The following MASP1 variants were observed in gnomAD, a reference collection of about 807,000 sequenced individuals.
The protein encoded by MASP1 is mannan-binding lectin serine protease 1.
A neutral mutation model predicts 77.1 loss-of-function variants in MASP1; 59 were observed. The observed-to-expected ratio is 0.77, with a 90% CI of 0.62 to 0.95. The LOEUF is 0.95. Ranked by LOEUF, MASP1 falls within the 40% of genes least tolerant of loss-of-function variation. The probability of loss-of-function intolerance (pLI) is 0.00; values close to 1 mark genes in which losing one functional copy is unlikely to be tolerated. For missense variants in MASP1, 885 were observed against 912.9 expected (o/e 0.97, Z 0.39); for synonymous variants, 362 against 354.5 (o/e 1.02, Z -0.24).
chr3:187,248,109 G>C (rs1450201183), intron 8 of MASP1, among the ~76,000 whole-genome samples: 2 of 152,132 alleles, frequency 1.3e-5, no homozygotes, highest in South Asian at 4.2e-4. Flanking sequence ...AAAGATGCTG[G>C]GTATGACTGA....
At chr3:187,223,072 AG>A (rs1712163155) in intron 14 of MASP1, 3 of 1,451,428 alleles carry the variant, frequency 2.1e-6, no homozygotes, top group South Asian at 2.3e-5. Context: ...CGGAGCAGGA[AG>A]GCCCAGTGCA....
chr3:187,232,050 C>T (rs1712796712), downstream of MASP1, among the ~76,000 whole-genome samples: 1 of 152,098 alleles, frequency 6.6e-6, no homozygotes, highest in Admixed American at 6.5e-5. Context: ...GAGCCTCCTG[C>T]CTGCATACCC....
chr3:187,276,226 G>T (rs947512820), intron 2 of MASP1, among the ~76,000 whole-genome samples: 52 of 152,086 alleles, frequency 3.4e-4, no homozygotes, highest in Non-Finnish European at 8.8e-5. Context: ...CTCAACTCAT[G>T]CAGAGCCCTG....
At chr3:187,224,912 C>T (rs1013112900) in intron 13 of MASP1, among the ~76,000 whole-genome samples, 22 of 152,318 alleles carry the variant, frequency 1.4e-4, no homozygotes, top group African/African-American at 5.0e-4. Context: ...CAGGTTCTGG[C>T]CCCATAGGGC....
chr3:187,289,032 C>G (rs1718086231), intron 1 of MASP1, among the ~76,000 whole-genome samples: 1 of 152,166 alleles, frequency 6.6e-6, no homozygotes. Flanking sequence ...CCTCGTCACA[C>G]TCTCTGAATG....
chr3:187,242,759 G>A (rs1016945161), intron 9 of MASP1: 1 of 157,182 alleles, frequency 6.4e-6, no homozygotes, highest in South Asian at 1.9e-4. Context: ...CAATGGTCAG[G>A]TTATTGCTGG....
intron 5 of MASP1, 60 bp from the exon 6 acceptor site, chr3:187,253,375 C>G (rs1033435265): frequency 6.4e-7 from 1 of 1,573,962 alleles, no homozygotes; most frequent in African/African-American, 1.3e-5. Flanking sequence ...GCCAAAATGG[C>G]CACTGCAGGT....
intron 10 of MASP1, among the ~76,000 whole-genome samples, chr3:187,239,699 T>A (rs893035949): frequency 6.6e-6 from 1 of 152,244 alleles, no homozygotes; most frequent in East Asian, 1.9e-4. Flanking sequence ...TCCTTGGTTG[T>A]ACTTCTGGGC....
At chr3:187,221,614 G>A (rs1032929865) in intron 14 of MASP1, among the ~76,000 whole-genome samples, 2 of 152,176 alleles carry the variant, frequency 1.3e-5, no homozygotes, top group African/African-American at 4.8e-5. Flanking sequence ...ATTGTACAAA[G>A]AGGAGAGGCA....
downstream of MASP1, among the ~76,000 whole-genome samples, chr3:187,229,566 G>A (rs1029151394): frequency 6.6e-6 from 1 of 152,146 alleles, no homozygotes; most frequent in Admixed American, 6.5e-5. Flanking sequence ...TCATGGTTGA[G>A]AGACTCCCTG....
rs776846809 is a variant in MASP1, at chr3:187,236,550, G to A, written c.1321C>T (p.Arg441Cys). 5.6e-6 allele frequency: 9 copies of A among 1,613,836 alleles called. No homozygotes were observed. Among genetic ancestry groups the A allele is most frequent in the Middle Eastern group, 1.6e-4 (1 of 6,084 alleles). The change falls in exon 11 of 11, where the codon CGC becomes TGC. Residue 441 changes from arginine to cysteine, a missense_variant. By Grantham distance (180) the Arg-to-Cys change is radical. Coordinates refer to ENST00000296280, the MANE Select transcript of MASP1 (RefSeq NM_139125.4). ...TCLPECGQPS[R>C]SLPSLVKRII... is the part of the protein sequence containing the mutation. Reference sequence around the variant, plus strand: ...CTCTTGACCAGGCTTGGCAGGGAGCGGGAGGGCTGACCACACTCTGTAAGG... The same window carrying A: ...CTCTTGACCAGGCTTGGCAGGGAGCAGGAGGGCTGACCACACTCTGTAAGG...
rs752257245 is a variant in MASP1, at chr3:187,262,679, C to G, written c.279G>C (p.Arg93Ser). ...GAGTCTGCTCTGTGTCTGTGGTCTC[C>G]CTGCCACAGAAGGTTGCCAGCACCT... ...EDQVLATFCG[R>S]ETTDTEQTPG... The change falls in exon 3 of 11, where the codon AGG (arginine) becomes AGC (serine). Residue 93 changes from arginine (R) to serine (S), a missense_variant. Physicochemically the swap from Arg to Ser is moderately radical, Grantham distance 110 (BLOSUM62 -1). Transcript: ENST00000296280. The G allele has an allele frequency of 1.1e-5, 18 of 1,613,962 alleles. No individual in the cohort carries two copies. The highest frequency in any genetic ancestry group is 1.4e-5 in the Non-Finnish European group (17 of 1,180,012).
At chr3:187,230,139 G>T (rs570122328), downstream of MASP1, among the ~76,000 whole-genome samples, 36 of 152,342 alleles carry the variant, frequency 2.4e-4, no homozygotes, top group Non-Finnish European at 5.3e-4. Flanking sequence ...GAATGTGACT[G>T]ATCAAAGCCA....
chr3:187,223,183 T>C (rs1712172049), exon 14 of MASP1: 1 of 1,613,972 alleles, frequency 6.2e-7, no homozygotes, highest in African/African-American at 1.3e-5. Context: ...CCGCTGACGA[T>C]GACCATGGCT....
Position 187,234,544 on chromosome 3 carries a change from C to T in MASP1, c.*1140G>A, listed in dbSNP as rs1462594609. 1.6e-6 allele frequency: 2 copies of T among 1,287,230 alleles called. No individual in the cohort carries two copies. The highest frequency in any genetic ancestry group is 5.5e-5 in the East Asian group (1 of 18,024). The allele number at this position is 1,287,230 out of a possible 1,614,324, so 79.7% of individuals were successfully genotyped here. A position where few individuals can be genotyped will look rare whatever the true frequency, so the allele number is the denominator to read the frequency against. The stretch of plus-strand genomic sequence containing the variant: ...AGGGACTAGAACCCAGGACTCCTGG[C>T]TCTTTTCACTGCCTGCCATGGGTGA... On this transcript the variant is annotated 3_prime_UTR_variant, in exon 11 of 11. Coordinates refer to ENST00000296280, the MANE Select transcript of MASP1 (RefSeq NM_139125.4).
rs1461347401 is a variant in MASP1, at chr3:187,253,217, A to G, written c.843T>C (p.Ser281=). The stretch of plus-strand genomic sequence containing the variant: ...AGCCCCGGTTCTCTCCCGAGTTGTC[A>G]CTATGGAACAGGATCAGGACACTGT... ...QSHSVLILFH[S]DNSGENRGWR... The change falls in exon 6 of 11, where the codon AGT becomes AGC. Residue 281 remains serine (S), a synonymous_variant. Coordinates refer to ENST00000296280, the MANE Select transcript of MASP1 (RefSeq NM_139125.4). 6.2e-7 allele frequency: 1 copy of G among 1,614,036 alleles called. No homozygotes were observed. Among genetic ancestry groups the G allele is most frequent in the East Asian group, 2.2e-5 (1 of 44,884 alleles).
chr3:187,222,350 A>G lies in MASP1; in HGVS notation c.1809+777T>C, dbSNP rs924795849. Among the ~76,000 whole-genome samples, 5 of 152,222 alleles carry G rather than the reference A, an allele frequency of 3.3e-5. 1 individual carries two copies. Among genetic ancestry groups the G allele is most frequent in the Non-Finnish European group, 7.4e-5 (5 of 68,026 alleles). ...TCTATCCTTTTACCCCAGCACAGCT[A>G]GTAGCTAGTACAGTGTCTGGTACCA... On this transcript the variant is annotated intron_variant, in intron 14 of 15. Transcript: ENST00000337774.
At chr3:187,288,504 A>G (rs1718034792) in intron 1 of MASP1, among the ~76,000 whole-genome samples, 1 of 152,188 alleles carries the variant, frequency 6.6e-6, no homozygotes, top group Non-Finnish European at 1.5e-5. Flanking sequence ...TTCCTCATCC[A>G]TTAAGTAGTA....
intron 1 of MASP1, chr3:187,291,365 G>A (rs2108621867): frequency 1.8e-6 from 1 of 567,434 alleles, no homozygotes; most frequent in Non-Finnish European, 3.2e-6. Flanking sequence ...GCAGGCAGTG[G>A]GAGAAATCTG....
Sources: allele counts gnomAD v4.1 joint callset (sites outside exome capture counted in the v4.1 genomes callset), GRCh38; gene constraint gnomAD v4.1.1; transcripts MANE v1.5; gene names NCBI Gene and HGNC (gene_info 2026-07-23, HGNC 2026-07-21).